Variants in C22orf31 observed in about 807,000 individuals in gnomAD.
C22orf31 encodes the protein uncharacterized protein C22orf31.
A neutral mutation model predicts 15.0 loss-of-function variants in C22orf31; 11 were observed. The observed-to-expected ratio is 0.73, with a 90% CI of 0.46 to 1.21. C22orf31 has a LOEUF of 1.21. Among genes scored for constraint, C22orf31 ranks in the 50% most tolerant of loss-of-function variants. The pLI is 0.00. For missense variants in C22orf31, 340 were observed against 347.2 expected, an observed-to-expected ratio of 0.98 and a Z score of 0.17; for synonymous variants, 132 against 133.3, an observed-to-expected ratio of 0.99 and a Z score of 0.07.
the C22orf31 span, among the ~76,000 whole-genome samples, chr22:29,073,487 C>T: frequency 7.9e-5 from 12 of 152,026 alleles, no homozygotes; most frequent in African/African-American, 2.9e-4. This position sits in a 1 kb window ranked among gnomAD's most constrained non-coding sequence, Gnocchi z 4.4. Flanking sequence ...GCCCCTCAGC[C>T]CAGGAGGCCC....
At chr22:29,073,316 C>G in the C22orf31 span, 1 of 404,124 alleles carries the variant, frequency 2.5e-6, no homozygotes, top group Non-Finnish European at 3.6e-6. This position sits in a 1 kb window ranked among gnomAD's most constrained non-coding sequence, Gnocchi z 4.4. Flanking sequence ...CCCCCTCCCT[C>G]CCGCTTCAGG....
chr22:29,068,108 G>C, the C22orf31 span, among the ~76,000 whole-genome samples: 1 of 130,316 alleles, frequency 7.7e-6, no homozygotes, highest in African/African-American at 3.0e-5. Context: ...TTTTGAGACA[G>C]AGTCTCACTC....
At chr22:29,062,629 T>G (rs1253828917), upstream of C22orf31, among the ~76,000 whole-genome samples, 2 of 152,058 alleles carry the variant, frequency 1.3e-5, no homozygotes, top group African/African-American at 2.4e-5. Flanking sequence ...AGTGAAATGA[T>G]GGAAAAACAG....
chr22:29,063,311 G>A (rs751548652), upstream of C22orf31, among the ~76,000 whole-genome samples: 42 of 152,074 alleles, frequency 2.8e-4, no homozygotes, highest in South Asian at 6.2e-4. Context: ...GATTACAGGC[G>A]CGGACCACCA....
chr22:29,062,309 C>T (rs961523982), upstream of C22orf31, among the ~76,000 whole-genome samples: 3 of 152,126 alleles, frequency 2.0e-5, no homozygotes, highest in Non-Finnish European at 1.5e-5. Context: ...CTGTTAAGTT[C>T]TCAGAACAGC....
chr22:29,068,759 C>CTTTTTT, the C22orf31 span, among the ~76,000 whole-genome samples: 1 of 113,118 alleles, frequency 8.8e-6, no homozygotes, highest in Non-Finnish European at 1.7e-5. Context: ...CAACCTGGTA[C>CTTTTTT]TTTTTTTTTT....
chr22:29,070,651 C>A, the C22orf31 span, among the ~76,000 whole-genome samples: 2 of 152,126 alleles, frequency 1.3e-5, no homozygotes, highest in Admixed American at 6.6e-5. Flanking sequence ...CCCAGCTATC[C>A]AGGAGGCTGA....
At chr22:29,071,849 C>G in the C22orf31 span, among the ~76,000 whole-genome samples, 1 of 152,208 alleles carries the variant, frequency 6.6e-6, no homozygotes, top group Admixed American at 6.5e-5. Flanking sequence ...CCCTAACATC[C>G]CAGGCTGTAG....
chr22:29,059,959 T>C (rs2123898307), intron 2 of C22orf31: 1 of 984,184 alleles, frequency 1.0e-6, no homozygotes, highest in Non-Finnish European at 1.2e-6. Flanking sequence ...CTACACCTCC[T>C]CCCCACATTC....
the C22orf31 span, among the ~76,000 whole-genome samples, chr22:29,071,777 A>C: frequency 6.6e-6 from 1 of 151,712 alleles, no homozygotes; most frequent in East Asian, 1.9e-4. Context: ...GGGCGGGGGG[A>C]GGCGGGCAAA....
chr22:29,066,851 G>C, the C22orf31 span, among the ~76,000 whole-genome samples: 1 of 151,910 alleles, frequency 6.6e-6, no homozygotes, highest in East Asian at 1.9e-4. Context: ...GGGAGCCACC[G>C]CGCCCAGCCA....
intron 2 of C22orf31, chr22:29,059,849 G>C (rs980484603): frequency 2.0e-6 from 2 of 984,924 alleles, no homozygotes; most frequent in African/African-American, 3.5e-5. Context: ...TGTCAAGTCT[G>C]TGCTTATGAA....
At chr22:29,070,092 C>T in the C22orf31 span, among the ~76,000 whole-genome samples, 254 of 152,092 alleles carry the variant, frequency 1.7e-3, no homozygotes, top group Non-Finnish European at 2.3e-3. Flanking sequence ...ATTACAGGCA[C>T]CTACCGCCAA....
chr22:29,060,274 C>T (rs2037374372), intron 2 of C22orf31, 141 bp downstream of exon 2: 4 of 755,354 alleles, frequency 5.3e-6, no homozygotes, highest in Non-Finnish European at 8.5e-6. Context: ...CTCAAGTGAT[C>T]CTCCCTGCTT....
intron 2 of C22orf31, 40 bp downstream of exon 2, chr22:29,060,375 C>G (rs749898765): frequency 2.6e-6 from 4 of 1,553,538 alleles, no homozygotes; most frequent in Middle Eastern, 2.3e-4. Flanking sequence ...TTTCCCTCCC[C>G]TCGCCAGTCA....
the C22orf31 span, among the ~76,000 whole-genome samples, chr22:29,071,284 C>A: frequency 6.6e-6 from 1 of 152,192 alleles, no homozygotes; most frequent in South Asian, 2.1e-4. Context: ...AATAACTGAA[C>A]AAGATTCTTC....
upstream of C22orf31, chr22:29,061,835 G>A (rs1324238743): frequency 1.4e-6 from 2 of 1,462,480 alleles, no homozygotes; most frequent in African/African-American, 1.4e-5. Flanking sequence ...CTTAGTAAGG[G>A]GAAGAAATAT....
the C22orf31 span, among the ~76,000 whole-genome samples, chr22:29,070,543 C>G: frequency 6.6e-6 from 1 of 152,214 alleles, no homozygotes; most frequent in South Asian, 2.1e-4. Context: ...ACCTTGTGAA[C>G]TGGAGAGACC....
chr22:29,073,239 C>A, the C22orf31 span: 1 of 1,119,528 alleles, frequency 8.9e-7, no homozygotes, highest in Non-Finnish European at 1.1e-6. The surrounding 1 kb of genome is among the most constrained non-coding windows in gnomAD (Gnocchi z 4.4). Flanking sequence ...TGAGTGTGAG[C>A]GACCCCCCGC....
Sources: gnomAD v4.1 joint callset for allele counts (sites outside exome capture counted in the v4.1 genomes callset) on GRCh38, gnomAD v4.1.1 for gene constraint, Gnocchi (gnomAD v3.1) non-coding constraint, MANE v1.5 for transcripts, NCBI Gene and HGNC (gene_info 2026-07-23, HGNC 2026-07-21) for gene names.